Variants in ME3 observed in about 807,000 individuals in gnomAD.
The protein encoded by ME3 is NADP-dependent malic enzyme, mitochondrial.
ME3 carries 48 observed loss-of-function variants against 68.9 expected under a neutral mutation model. The ratio of observed to expected loss-of-function variants is 0.70; its 90% CI spans 0.55 to 0.89. ME3 has a LOEUF of 0.89. ME3 is among the 40% of genes least tolerant of loss of function. ME3 has a pLI of 0.00. For missense variants in ME3, 675 were observed against 797.4 expected, an observed-to-expected ratio of 0.85 and a Z score of 1.85; for synonymous variants, 320 against 318.8, an observed-to-expected ratio of 1.00 and a Z score of -0.04.
At chr11:86,539,321 G>T (rs1208253008) in intron 4 of ME3, among the ~76,000 whole-genome samples, 1 of 152,026 alleles carries the variant, frequency 6.6e-6, no homozygotes, top group Non-Finnish European at 1.5e-5. Context: ...TCAAGGTTTA[G>T]ATTAAGAACC....
At chr11:86,466,743 G>A (rs576545984) in intron 7 of ME3, among the ~76,000 whole-genome samples, 83 of 152,342 alleles carry the variant, frequency 5.4e-4, no homozygotes, top group African/African-American at 1.9e-3. Flanking sequence ...GCTAGTCAAG[G>A]CTGTTGGTAG....
rs137903096 is a variant in ME3, at chr11:86,661,054, G to T, written c.183+10708C>A. On this transcript the variant is annotated intron_variant, in intron 2 of 14. Transcript: ENST00000543262. ...AGAAGGGAATGTAGAGGCAATTCAT[G>T]TAACTAATTTTTACTGAGGTTACAC... is the stretch of plus-strand genomic sequence containing the variant. Among the ~76,000 whole-genome samples, 1,316 of 152,246 alleles carry T rather than the reference G, an allele frequency of 8.6e-3. 25 individuals are homozygous for T. The highest frequency in any genetic ancestry group is 0.03 in the African/African-American group (1,230 of 41,510).
At chr11:86,608,473 T>C (rs1942317223) in intron 2 of ME3, among the ~76,000 whole-genome samples, 1 of 152,232 alleles carries the variant, frequency 6.6e-6, no homozygotes, top group African/African-American at 2.4e-5. Flanking sequence ...GGATGCACTC[T>C]CAATAGTGGA....
chr11:86,451,339 G>A (rs1949622802), intron 8 of ME3, among the ~76,000 whole-genome samples: 1 of 152,160 alleles, frequency 6.6e-6, no homozygotes, highest in African/African-American at 2.4e-5. Context: ...GGATATTTGT[G>A]CCCCATGTGA....
At chr11:86,481,624 G>A (rs907279585) in intron 7 of ME3, among the ~76,000 whole-genome samples, 1 of 152,160 alleles carries the variant, frequency 6.6e-6, no homozygotes. Flanking sequence ...ATTCCTGCAT[G>A]TTTTTGTAAC....
At chr11:86,672,018 G>C in intron 1 of ME3, 60 bp from the exon 2 acceptor site, 2 of 1,284,022 alleles carry the variant, frequency 1.6e-6, no homozygotes, top group Non-Finnish European at 2.0e-6. Flanking sequence ...ACCCACGCGC[G>C]CTGCGGGGCA....
chr11:86,581,363 T>A (rs1308225743), intron 2 of ME3, among the ~76,000 whole-genome samples: 4 of 152,148 alleles, frequency 2.6e-5, no homozygotes, highest in Non-Finnish European at 5.9e-5. Context: ...GAGTGATGGA[T>A]CAGACTGCCA....
chr11:86,524,903 C>T (rs1365901818), intron 4 of ME3, among the ~76,000 whole-genome samples: 1 of 152,176 alleles, frequency 6.6e-6, no homozygotes, highest in Non-Finnish European at 1.5e-5. Flanking sequence ...GTTGTTTTGA[C>T]TAAGTTCCGC....
intron 7 of ME3, among the ~76,000 whole-genome samples, chr11:86,468,549 T>C (rs1950609947): frequency 6.6e-6 from 1 of 152,222 alleles, no homozygotes; most frequent in Non-Finnish European, 1.5e-5. Flanking sequence ...GTGGATTGGA[T>C]CTATGAAGGA....
At chr11:86,459,546 G>A (rs1170313285) in intron 8 of ME3, among the ~76,000 whole-genome samples, 2 of 152,158 alleles carry the variant, frequency 1.3e-5, no homozygotes, top group African/African-American at 4.8e-5. Context: ...CAAGGAATTG[G>A]CATAGGCTGC....
intron 8 of ME3, among the ~76,000 whole-genome samples, chr11:86,454,837 A>C (rs1949827375): frequency 6.6e-6 from 1 of 152,244 alleles, no homozygotes; most frequent in Non-Finnish European, 1.5e-5. Context: ...GGGTGGGAGT[A>C]TGAGTGAATT....
At chr11:86,605,342 A>G (rs1007660592) in intron 2 of ME3, among the ~76,000 whole-genome samples, 1 of 152,232 alleles carries the variant, frequency 6.6e-6, no homozygotes, top group South Asian at 2.1e-4. Flanking sequence ...TGCTGTTCAC[A>G]ATTAGAAGGC....
At chr11:86,526,545 A>G (rs1337339769) in intron 4 of ME3, among the ~76,000 whole-genome samples, 1 of 152,202 alleles carries the variant, frequency 6.6e-6, no homozygotes, top group African/African-American at 2.4e-5. Context: ...CACAGCTTAC[A>G]TCTGAGAATG....
chr11:86,577,327 A>G (rs991407542), intron 2 of ME3, among the ~76,000 whole-genome samples: 44 of 152,320 alleles, frequency 2.9e-4, no homozygotes, highest in African/African-American at 1.1e-3. Context: ...ACTCTGCTGA[A>G]TGAGAATGAG....
intron 2 of ME3, among the ~76,000 whole-genome samples, chr11:86,664,309 A>G (rs968439385): frequency 6.6e-6 from 1 of 152,236 alleles, no homozygotes; most frequent in African/African-American, 2.4e-5. Flanking sequence ...ATATCTTTTT[A>G]CAATAACATT....
At position 86,545,253 on chromosome 11, in the gene ME3, T is replaced by C. The variant is rs527931589; in HGVS notation, c.467+11300A>G. ...AGCTGGAAGCATTCCCTTTGAAAAC[T>C]GGCACAAGACAAGGATGCCCTCTTT... On this transcript the variant is annotated intron_variant, in intron 4 of 14. Coordinates refer to ENST00000543262, the Ensembl canonical transcript of ME3. Among the ~76,000 whole-genome samples, 6 of 152,318 alleles carry C rather than the reference T, an allele frequency of 3.9e-5. No individual in the cohort carries two copies. The South Asian group carries it at 1.2e-3, about 32-fold the overall frequency.
At chr11:86,444,592 G>C (rs968566041) in intron 13 of ME3, among the ~76,000 whole-genome samples, 1 of 152,190 alleles carries the variant, frequency 6.6e-6, no homozygotes, top group Non-Finnish European at 1.5e-5. Context: ...TCACATCTAA[G>C]ACGGTAGGCA....
intron 5 of ME3, among the ~76,000 whole-genome samples, chr11:86,498,712 T>G (rs1216405169): frequency 1.3e-5 from 2 of 152,230 alleles, no homozygotes; most frequent in Non-Finnish European, 2.9e-5. Flanking sequence ...AAAGAATTGC[T>G]GAGGGCCTAC....
intron 2 of ME3, among the ~76,000 whole-genome samples, chr11:86,608,716 C>G (rs997412082): frequency 2.0e-5 from 3 of 152,118 alleles, no homozygotes; most frequent in Non-Finnish European, 4.4e-5. Flanking sequence ...TAAAGTAAAA[C>G]TTTACTATTC....
Sources: gnomAD v4.1 joint callset for allele counts (sites outside exome capture counted in the v4.1 genomes callset) on GRCh38, gnomAD v4.1.1 for gene constraint, MANE v1.5 for transcripts, NCBI Gene and HGNC (gene_info 2026-07-23, HGNC 2026-07-21) for gene names.